SCAP: variants seen among roughly 807,000 people sequenced by gnomAD.
SCAP encodes the protein sterol regulatory element-binding protein cleavage-activating protein.
A neutral mutation model predicts 123.6 loss-of-function variants in SCAP; 65 were observed. The observed-to-expected ratio is 0.53, with a 90% CI of 0.43 to 0.65. The LOEUF (loss-of-function observed/expected upper bound fraction) is 0.65, where lower values mean the gene tolerates loss of function less well. Among genes scored for constraint, SCAP ranks in the 30% least tolerant of loss-of-function variants. SCAP has a pLI of 0.00. For synonymous variants in SCAP, 740 were observed against 726.3 expected (o/e 1.02, Z -0.30); for missense variants, 1,398 against 1,712.5 (o/e 0.82, Z 3.24).
At chr3:47,472,397 G>A (rs1460923213) in intron 1 of SCAP, among the ~76,000 whole-genome samples, 1 of 149,710 alleles carries the variant, frequency 6.7e-6, no homozygotes, top group Non-Finnish European at 1.5e-5. Context: ...TTGCGCCACT[G>A]CAGTCCGCAG....
chr3:47,418,059 G>T, intron 16 of SCAP, 75 bp downstream of exon 16: 1 of 1,084,104 alleles, frequency 9.2e-7, no homozygotes, highest in Non-Finnish European at 1.3e-6. Flanking sequence ...AGAAAGGAGG[G>T]GAGATACGTG....
chr3:47,456,757 T>C (rs1301709793), intron 1 of SCAP, among the ~76,000 whole-genome samples: 4 of 151,138 alleles, frequency 2.6e-5, no homozygotes, highest in Non-Finnish European at 5.9e-5. Flanking sequence ...TGTACTCTAG[T>C]CTGGGCAACA....
intron 1 of SCAP, among the ~76,000 whole-genome samples, chr3:47,472,819 G>A (rs1028085731): frequency 5.3e-5 from 8 of 152,136 alleles, no homozygotes; most frequent in Middle Eastern, 3.4e-3. Context: ...AGTGGCTCAC[G>A]CCTGTAATCC....
At chr3:47,438,835 T>A (rs1338722690) in intron 2 of SCAP, among the ~76,000 whole-genome samples, 2 of 148,392 alleles carry the variant, frequency 1.3e-5, no homozygotes, top group Non-Finnish European at 3.0e-5. Flanking sequence ...AAAAAAAAAA[T>A]TTTAGGCTGT....
In SCAP at chr3:47,420,166, C is replaced by T. The variant is rs1368571462; in HGVS notation, c.1563+388G>A. Reference sequence around the variant, plus strand: ...CTGCTGCCCCAAGGCCAGCCCAGCCCGGCTGGTGAATGATTTTGCCCAGCA... The same window carrying T: ...CTGCTGCCCCAAGGCCAGCCCAGCCTGGCTGGTGAATGATTTTGCCCAGCA... On this transcript the variant is annotated intron_variant, in intron 12 of 22. Coordinates refer to ENST00000265565, the MANE Select transcript of SCAP (RefSeq NM_012235.4). This position sits in a 1 kb window ranked among gnomAD's most constrained non-coding sequence, Gnocchi z 5.0. 6.6e-6 allele frequency among the ~76,000 whole-genome samples: 1 copy of T among 152,208 alleles called. No individual in the cohort carries two copies. The highest frequency in any genetic ancestry group is 1.5e-5 in the Non-Finnish European group (1 of 68,026).
chr3:47,453,846 T>C (rs906187872), intron 1 of SCAP, among the ~76,000 whole-genome samples: 1 of 152,124 alleles, frequency 6.6e-6, no homozygotes, highest in Non-Finnish European at 1.5e-5. Context: ...GCCCTTTTCC[T>C]ATCTTCCCAC....
chr3:47,418,626 T>TACCCCCC, intron 14 of SCAP, 29 bp downstream of exon 14: 3 of 1,459,546 alleles, frequency 2.1e-6, no homozygotes, highest in Non-Finnish European at 2.8e-6. Flanking sequence ...CCGCACTCTT[T>TACCCCCC]CCCACCCCAC....
At chr3:47,463,614 CTT>C (rs2108003853) in intron 1 of SCAP, among the ~76,000 whole-genome samples, 1 of 152,242 alleles carries the variant, frequency 6.6e-6, no homozygotes, top group South Asian at 2.1e-4. Context: ...ACGAGAATAA[CTT>C]GAACCCAGGA....
At chr3:47,469,003 G>A (rs1707939672) in intron 1 of SCAP, among the ~76,000 whole-genome samples, 1 of 152,290 alleles carries the variant, frequency 6.6e-6, no homozygotes, top group East Asian at 1.9e-4. Flanking sequence ...AGTGATGATG[G>A]TTGCATAACA....
At chr3:47,465,537 G>A (rs778689257) in intron 1 of SCAP, among the ~76,000 whole-genome samples, 3 of 151,810 alleles carry the variant, frequency 2.0e-5, no homozygotes, top group Non-Finnish European at 2.9e-5. Context: ...GAGGTCAAGT[G>A]GGGAGGACTG....
chr3:47,462,420 G>C (rs1707676141), intron 1 of SCAP, among the ~76,000 whole-genome samples: 1 of 152,032 alleles, frequency 6.6e-6, no homozygotes, highest in Admixed American at 6.6e-5. Context: ...TTCAATCTAA[G>C]GACCTGCCTG....
At chr3:47,449,307 G>A (rs1413999623) in intron 1 of SCAP, among the ~76,000 whole-genome samples, 1 of 123,340 alleles carries the variant, frequency 8.1e-6, no homozygotes, top group African/African-American at 2.8e-5. Flanking sequence ...AGATCCCAAG[G>A]GCCCCTTTCC....
rs1576246396 is a variant in SCAP, at chr3:47,417,288, T to C, written c.2970+16A>G. ...GGCGGACAGCCGCTCTGCCCACCTT[T>C]AGCCCCTCTGCCCACCTCCAGCCGG... On this transcript the variant is annotated intron_variant, in intron 17 of 22. Transcript: ENST00000265565. The C allele has an allele frequency of 1.2e-6, 2 of 1,612,004 alleles. No homozygotes were observed. Among genetic ancestry groups the C allele is most frequent in the Non-Finnish European group, 1.7e-6 (2 of 1,179,652 alleles).
chr3:47,443,058 G>A lies in SCAP; in HGVS notation c.-65C>T. On this transcript the variant is annotated 5_prime_UTR_variant, in exon 2 of 23. Transcript: ENST00000265565. Reference sequence around the variant, plus strand: ...CCATGGATCACCCTGGCACACACTTGACAGCACTGACAAAGAACAACATGT... The same window carrying A: ...CCATGGATCACCCTGGCACACACTTAACAGCACTGACAAAGAACAACATGT... 6.2e-7 allele frequency: 1 copy of A among 1,606,040 alleles called. No individual in the cohort carries two copies. Among genetic ancestry groups the A allele is most frequent in the African/African-American group, 1.3e-5 (1 of 74,810 alleles).
At chr3:47,418,626 T>TGC in intron 14 of SCAP, 29 bp downstream of exon 14, 17 of 1,459,464 alleles carry the variant, frequency 1.2e-5, no homozygotes, top group Non-Finnish European at 1.5e-5. Context: ...CCGCACTCTT[T>TGC]CCCACCCCAC....
At chr3:47,445,077 A>G (rs888957340) in intron 1 of SCAP, among the ~76,000 whole-genome samples, 3 of 152,000 alleles carry the variant, frequency 2.0e-5, no homozygotes, top group African/African-American at 7.2e-5. Context: ...CAGCCACTTC[A>G]TTACTTTTTA....
chr3:47,461,710 C>G (rs1707645991), intron 1 of SCAP, among the ~76,000 whole-genome samples: 1 of 152,138 alleles, frequency 6.6e-6, no homozygotes, highest in Non-Finnish European at 1.5e-5. Flanking sequence ...CCCAGCACCT[C>G]CCAACAAAAT....
intron 2 of SCAP, among the ~76,000 whole-genome samples, chr3:47,437,238 G>A (rs1484244757): frequency 2.0e-5 from 3 of 151,688 alleles, no homozygotes; most frequent in East Asian, 1.9e-4. Context: ...TCGGGAGATC[G>A]AGACCAGCCT....
chr3:47,439,774 C>A lies in SCAP; in HGVS notation c.122+3098G>T, dbSNP rs1706726786. 6.6e-6 allele frequency among the ~76,000 whole-genome samples: 1 copy of A among 152,202 alleles called. No homozygotes were observed. The highest frequency in any genetic ancestry group is 2.4e-5 in the African/African-American group (1 of 41,436). On this transcript the variant is annotated intron_variant, in intron 2 of 22. Transcript: ENST00000265565. The surrounding 1 kb of genome is among the most constrained non-coding windows in gnomAD (Gnocchi z 4.0). Reference sequence around the variant, plus strand: ...AAAGAACAGTCACTGCACCCAGGGGCCAGGCAGGAAGAACAGCTAACTCTA... The same window carrying A: ...AAAGAACAGTCACTGCACCCAGGGGACAGGCAGGAAGAACAGCTAACTCTA...
Sources: allele counts gnomAD v4.1 joint callset (sites outside exome capture counted in the v4.1 genomes callset), GRCh38; gene constraint gnomAD v4.1.1; non-coding constraint Gnocchi (gnomAD v3.1); transcripts MANE v1.5; gene names NCBI Gene and HGNC (gene_info 2026-07-23, HGNC 2026-07-21).